The following SBF2 variants were observed in gnomAD, a reference collection of about 807,000 sequenced individuals.
SBF2 encodes SET binding factor 2.
Under a neutral mutation model 225.2 loss-of-function variants are expected in SBF2, and 112 were observed. The ratio of observed to expected loss-of-function variants is 0.50; its 90% CI spans 0.43 to 0.58. SBF2 has a LOEUF of 0.58. SBF2 is among the 20% of genes least tolerant of loss of function. The pLI is 0.00. For synonymous variants in SBF2, 763 were observed against 773.3 expected (o/e 0.99, Z 0.22); for missense variants, 1,996 against 2,206.2 (o/e 0.90, Z 1.91).
Position 10,286,039 on chromosome 11 carries a change from G to A in SBF2, c.55+7976C>T, listed in dbSNP as rs191837664. On this transcript the variant is annotated intron_variant, in intron 1 of 39. Coordinates refer to ENST00000256190, the MANE Select transcript of SBF2 (RefSeq NM_030962.4). ...TTGGAGAAAAAAGCCTGTTGCCCAGGCTGGTCTCAAACTCCTGGACTCAAG... is the reference window on the plus strand; with the variant it reads ...TTGGAGAAAAAAGCCTGTTGCCCAGACTGGTCTCAAACTCCTGGACTCAAG... Among the ~76,000 whole-genome samples the A allele has an allele frequency of 4.1e-3, 630 of 152,216 alleles. 2 individuals are homozygous for A. The highest frequency in any genetic ancestry group is 6.8e-3 in the Non-Finnish European group (465 of 68,016).
chr11:9,841,607 A>C (rs1856155556), intron 25 of SBF2, among the ~76,000 whole-genome samples: 1 of 151,328 alleles, frequency 6.6e-6, no homozygotes, highest in Admixed American at 6.6e-5. Context: ...ATCTCGGCTC[A>C]CTGCAACCTT....
At chr11:10,089,413 T>C (rs1240880353) in intron 2 of SBF2, among the ~76,000 whole-genome samples, 1 of 152,246 alleles carries the variant, frequency 6.6e-6, no homozygotes, top group Non-Finnish European at 1.5e-5. Context: ...TTCTTGATTC[T>C]GTATCTTTCA....
At chr11:10,065,690 G>A (rs567648024) in intron 2 of SBF2, among the ~76,000 whole-genome samples, 5 of 152,226 alleles carry the variant, frequency 3.3e-5, no homozygotes, top group African/African-American at 1.2e-4. Context: ...AGTGACGCAC[G>A]CCTGTAATCC....
chr11:9,900,308 T>C (rs1352450840), intron 16 of SBF2, among the ~76,000 whole-genome samples: 2 of 152,174 alleles, frequency 1.3e-5, no homozygotes, highest in East Asian at 3.9e-4. Context: ...TAAACTTAAC[T>C]TCCTCATAAA....
intron 2 of SBF2, among the ~76,000 whole-genome samples, chr11:10,068,933 T>G (rs1950739017): frequency 1.3e-5 from 2 of 152,220 alleles, no homozygotes; most frequent in Admixed American, 1.3e-4. Flanking sequence ...ATCATTCAAA[T>G]TCTTGCTGCC....
At chr11:10,133,482 G>A (rs945022144) in intron 2 of SBF2, among the ~76,000 whole-genome samples, 7 of 140,404 alleles carry the variant, frequency 5.0e-5, no homozygotes, top group African/African-American at 1.5e-4. Flanking sequence ...GCGAGAAATC[G>A]AACGCAGTGC....
intron 1 of SBF2, among the ~76,000 whole-genome samples, chr11:10,259,015 G>GT (rs1961171549): frequency 6.6e-6 from 1 of 152,204 alleles, no homozygotes. Flanking sequence ...GGAGCTAGTT[G>GT]TAGCTCCTGG....
At chr11:9,950,985 T>C (rs16907296) in intron 16 of SBF2, among the ~76,000 whole-genome samples, 1,881 of 152,266 alleles carry the variant, frequency 0.012, 39 homozygotes, top group African/African-American at 0.043. Flanking sequence ...TGCAGGATCA[T>C]GGTGGATAGT....
intron 2 of SBF2, among the ~76,000 whole-genome samples, chr11:10,117,063 T>G (rs888900928): frequency 1.3e-5 from 2 of 152,160 alleles, no homozygotes; most frequent in Admixed American, 1.3e-4. Flanking sequence ...ATCAAAGAGA[T>G]AAATATTTCA....
At chr11:10,298,727 A>G (rs191081668), upstream of SBF2, among the ~76,000 whole-genome samples, 2 of 152,282 alleles carry the variant, frequency 1.3e-5, no homozygotes, top group Admixed American at 1.3e-4. Context: ...AATGAATCTT[A>G]CCCTTGACAG....
chr11:9,886,384 T>C (rs923366034), intron 17 of SBF2, among the ~76,000 whole-genome samples: 1 of 152,190 alleles, frequency 6.6e-6, no homozygotes, highest in Non-Finnish European at 1.5e-5. Context: ...ATTCTTTTTT[T>C]TCTCTTCTTC....
At chr11:9,802,853 A>T (rs2133886030) in intron 32 of SBF2, among the ~76,000 whole-genome samples, 1 of 152,330 alleles carries the variant, frequency 6.6e-6, no homozygotes, top group East Asian at 1.9e-4. Context: ...TTTTCAGCAC[A>T]AAATAATTTG....
intron 16 of SBF2, among the ~76,000 whole-genome samples, chr11:9,918,997 C>T (rs1452624660): frequency 1.3e-5 from 2 of 152,240 alleles, no homozygotes; most frequent in African/African-American, 4.8e-5. Flanking sequence ...TCGCCTTGGC[C>T]TCCCAAAGTG....
At chr11:10,049,495 T>C (rs890152036) in intron 2 of SBF2, among the ~76,000 whole-genome samples, 2 of 152,004 alleles carry the variant, frequency 1.3e-5, no homozygotes, top group East Asian at 3.9e-4. Flanking sequence ...CAATGTCAGC[T>C]ACTTGGGAGG....
chr11:10,283,996 C>A (rs1022282866), intron 1 of SBF2, among the ~76,000 whole-genome samples: 2 of 152,050 alleles, frequency 1.3e-5, no homozygotes, highest in Non-Finnish European at 2.9e-5. Flanking sequence ...TTATGTTTTT[C>A]TAAAATTTTA....
intron 1 of SBF2, among the ~76,000 whole-genome samples, chr11:10,304,444 A>G (rs908319898): frequency 6.6e-6 from 1 of 152,138 alleles, no homozygotes; most frequent in African/African-American, 2.4e-5. Context: ...CCAAATCCCA[A>G]TTCTCAATTT....
intron 16 of SBF2, among the ~76,000 whole-genome samples, chr11:9,954,256 G>T (rs1866021028): frequency 6.6e-6 from 1 of 152,074 alleles, no homozygotes; most frequent in Admixed American, 6.5e-5. Flanking sequence ...AATTACCAAA[G>T]TTTTTGAATC....
chr11:10,154,651 T>A (rs1428163973), intron 2 of SBF2, among the ~76,000 whole-genome samples: 1 of 152,196 alleles, frequency 6.6e-6, no homozygotes, highest in Admixed American at 6.5e-5. Flanking sequence ...CACATTGTCT[T>A]ACCTCCTTGA....
chr11:9,974,960 C>CAAAAAAGAAAAAAAAAAAAAAAAA (rs1946612737), intron 13 of SBF2, among the ~76,000 whole-genome samples: 1 of 23,268 alleles, frequency 4.3e-5, no homozygotes, highest in Non-Finnish European at 9.0e-5. Flanking sequence ...AACTTTGACT[C>CAAAAAAGAAAAAAAAAAAAAAAAA]AAAAAAAAAA....
Sources: allele counts gnomAD v4.1 joint callset (sites outside exome capture counted in the v4.1 genomes callset), GRCh38; gene constraint gnomAD v4.1.1; transcripts MANE v1.5; gene names NCBI Gene and HGNC (gene_info 2026-07-23, HGNC 2026-07-21).